The following HDX variants were observed in gnomAD, a reference collection of about 807,000 sequenced individuals.
HDX encodes the protein highly divergent homeobox.
A neutral mutation model predicts 45.2 loss-of-function variants in HDX; 19 were observed. That is an observed-to-expected ratio of 0.42 (90% CI 0.29 to 0.62). The LOEUF is 0.62. Ranked by LOEUF, HDX falls within the 20% of genes least tolerant of loss-of-function variation. HDX has a pLI of 0.20. For synonymous variants in HDX, 188 were observed against 172.8 expected, an observed-to-expected ratio of 1.09 and a Z score of -0.69; for missense variants, 532 against 493.9, an observed-to-expected ratio of 1.08 and a Z score of -0.73.
Position 84,468,487 on chromosome X carries a change from G to C in HDX, c.1236C>G (p.Asn412Lys), listed in dbSNP as rs769680477. Residue 412 changes from asparagine (N) to lysine (K), a missense_variant, in exon 4 of 11, where the codon AAC (asparagine) becomes AAG (lysine). Asn to Lys is a moderately conservative substitution (Grantham distance 94, BLOSUM62 0). Coordinates refer to ENST00000373177, the MANE Select transcript of HDX (RefSeq NM_001177479.2). Reference sequence around the variant, plus strand: ...TACACATTACCTGGTAATTGTTTTGGTTTTGTGATAATCTCAATTGGTTTG... The same window carrying C: ...TACACATTACCTGGTAATTGTTTTGCTTTTGTGATAATCTCAATTGGTTTG... ...ASSNQLRLSQ[N>K]QNNYQISGNL... 11 of 1,148,722 alleles carry C rather than the reference G, an allele frequency of 9.6e-6. No homozygotes were observed. Among genetic ancestry groups the C allele is most frequent in the Non-Finnish European group, 1.3e-5 (11 of 852,932 alleles). The allele number at this position is 1,148,722 out of a possible 1,213,427, so 94.7% of individuals were successfully genotyped here.
At chrX:84,357,426 C>T (rs1602304405) in intron 6 of HDX, among the ~76,000 whole-genome samples, 1 of 111,312 alleles carries the variant, frequency 9.0e-6, no homozygotes, top group Non-Finnish European at 1.9e-5. Context: ...TTATGAACTA[C>T]AGGGAAATAA....
intron 4 of HDX, among the ~76,000 whole-genome samples, chrX:84,447,605 C>A (rs1034667777): frequency 9.0e-6 from 1 of 110,780 alleles, no homozygotes; most frequent in Non-Finnish European, 1.9e-5. Context: ...CACACCAAGT[C>A]CTAAACAGTT....
Position 84,417,142 on chromosome X carries a change from A to G in HDX, c.1305+23390T>C, listed in dbSNP as rs1003218730. Among the ~76,000 whole-genome samples the G allele has an allele frequency of 9.4e-5, 10 of 106,408 alleles. 1 individual carries two copies. The Middle Eastern group carries it at 0.014, about 151-fold the overall frequency. 92.4% of individuals were successfully genotyped at this position (106,408 alleles called of 115,157 possible). On this transcript the variant is annotated intron_variant, in intron 5 of 10. Coordinates refer to ENST00000373177, the MANE Select transcript of HDX (RefSeq NM_001177479.2). ...GCACTCCAGCCTGAGTGACAGAGCG[A>G]GACTCCAAAAAGAAAGAAAGAAAGA... is the stretch of plus-strand genomic sequence containing the variant.
intron 4 of HDX, among the ~76,000 whole-genome samples, chrX:84,457,021 T>C (rs185056097): frequency 9.4e-4 from 105 of 111,556 alleles, no homozygotes; most frequent in Admixed American, 4.5e-3. Context: ...ATAGACCAAA[T>C]AAATCTAATA....
intron 1 of HDX, among the ~76,000 whole-genome samples, chrX:84,501,150 A>G (rs2041110360): frequency 8.9e-6 from 1 of 112,087 alleles, no homozygotes; most frequent in African/African-American, 3.2e-5. Context: ...GCAATTAATA[A>G]CAATACTGTA....
At chrX:84,337,932 C>T (rs1420135544) in intron 7 of HDX, among the ~76,000 whole-genome samples, 2 of 110,942 alleles carry the variant, frequency 1.8e-5, no homozygotes, top group East Asian at 5.7e-4. Flanking sequence ...CTCCACCAGC[C>T]CCTTAAAAAA....
intron 5 of HDX, among the ~76,000 whole-genome samples, chrX:84,366,563 C>T (rs1368099233): frequency 3.6e-5 from 4 of 111,621 alleles, no homozygotes; most frequent in South Asian, 3.8e-4. Context: ...GGGGGCATCA[C>T]GCTACCTGAC....
chrX:84,464,445 C>A (rs967791750), intron 4 of HDX, among the ~76,000 whole-genome samples: 2 of 111,579 alleles, frequency 1.8e-5, no homozygotes, highest in African/African-American at 6.5e-5. Context: ...GCTACAGTAA[C>A]CAAAACAGCA....
intron 5 of HDX, among the ~76,000 whole-genome samples, chrX:84,386,308 A>AT (rs1327142717): frequency 2.7e-5 from 3 of 109,376 alleles, no homozygotes; most frequent in Non-Finnish European, 5.7e-5. Context: ...TAGTGGCCCT[A>AT]TTTTTTTTCT....
At chrX:84,451,717 C>CA (rs201512328) in intron 4 of HDX, among the ~76,000 whole-genome samples, 99 of 104,371 alleles carry the variant, frequency 9.5e-4, no homozygotes, top group Admixed American at 2.4e-3. Flanking sequence ...GACAAGGATG[C>CA]AAAAAAAAAC....
intron 5 of HDX, among the ~76,000 whole-genome samples, chrX:84,372,861 T>C (rs2064398): frequency 9.1e-6 from 1 of 109,782 alleles, no homozygotes; most frequent in Non-Finnish European, 1.9e-5. Flanking sequence ...AATGTTTATA[T>C]AGCAGAAAAT....
At chrX:84,493,456 C>T (rs947741458) in intron 1 of HDX, among the ~76,000 whole-genome samples, 1 of 111,873 alleles carries the variant, frequency 8.9e-6, no homozygotes, top group Admixed American at 9.5e-5. Flanking sequence ...TTCAGTTTTG[C>T]CAGCTACATA....
At chrX:84,369,975 G>C (rs912590200) in intron 5 of HDX, among the ~76,000 whole-genome samples, 1 of 111,814 alleles carries the variant, frequency 8.9e-6, no homozygotes, top group Non-Finnish European at 1.9e-5. Flanking sequence ...CCAAGCATTT[G>C]GTCAAACATT....
At chrX:84,494,505 A>G (rs1373079824) in intron 1 of HDX, among the ~76,000 whole-genome samples, 1 of 112,076 alleles carries the variant, frequency 8.9e-6, no homozygotes, top group Non-Finnish European at 1.9e-5. Context: ...CTCATTCCTG[A>G]TTTTACATCA....
chrX:84,443,044 A>G (rs1181998790), intron 4 of HDX, among the ~76,000 whole-genome samples: 1 of 111,119 alleles, frequency 9.0e-6, no homozygotes, highest in East Asian at 2.8e-4. Flanking sequence ...AAATATTATA[A>G]ATTCCATCTG....
intron 5 of HDX, among the ~76,000 whole-genome samples, chrX:84,389,816 T>C: frequency 9.1e-6 from 1 of 110,490 alleles, no homozygotes; most frequent in African/African-American, 3.3e-5. Flanking sequence ...TTTAAGCCGT[T>C]TAAAGGCATA....
intron 9 of HDX, among the ~76,000 whole-genome samples, chrX:84,330,296 C>T (rs934997805): frequency 5.4e-5 from 6 of 111,632 alleles, no homozygotes; most frequent in African/African-American, 1.9e-4. Flanking sequence ...GCAAACTGGT[C>T]TCAAAATCAT....
intron 4 of HDX, among the ~76,000 whole-genome samples, chrX:84,447,120 T>C (rs2039890922): frequency 9.0e-6 from 1 of 111,550 alleles, no homozygotes; most frequent in South Asian, 3.8e-4. Context: ...TTGAGGAATA[T>C]ATAGAGCAGC....
chrX:84,482,305 T>C (rs1173098852), intron 2 of HDX, among the ~76,000 whole-genome samples: 2 of 111,855 alleles, frequency 1.8e-5, no homozygotes, highest in Non-Finnish European at 3.8e-5. Flanking sequence ...ATAGGGATTG[T>C]ATTAGTCCAT....
Sources: gnomAD v4.1 joint callset for allele counts (sites outside exome capture counted in the v4.1 genomes callset) on GRCh38, gnomAD v4.1.1 for gene constraint, MANE v1.5 for transcripts, NCBI Gene and HGNC (gene_info 2026-07-23, HGNC 2026-07-21) for gene names.